Variants in TACC1 observed in about 807,000 individuals in gnomAD.
The protein encoded by TACC1 is transforming acidic coiled-coil containing protein 1, also known as transforming acidic coiled-coil-containing protein 1.
A neutral mutation model predicts 84.4 loss-of-function variants in TACC1; 48 were observed. That is an observed-to-expected ratio of 0.57 (90% CI 0.45 to 0.72). TACC1 has a LOEUF of 0.72. TACC1 is among the 30% of genes least tolerant of loss of function. TACC1 has a pLI of 0.00. For synonymous variants in TACC1, 372 were observed against 376.3 expected (o/e 0.99, Z 0.13); for missense variants, 920 against 973.0 (o/e 0.95, Z 0.72).
At chr8:38,733,227 G>A (rs920920334) in intron 1 of TACC1, among the ~76,000 whole-genome samples, 4 of 151,346 alleles carry the variant, frequency 2.6e-5, no homozygotes, top group Non-Finnish European at 4.4e-5. Flanking sequence ...AGACAGAGAC[G>A]ATCCCAGCTG....
Position 38,851,805 on chromosome 8 carries a change from GATT to G in TACC1, c.*3786_*3788del, listed in dbSNP as rs1833127411. 2.6e-6 allele frequency: 1 copy of G among 388,322 alleles called. No individual in the cohort carries two copies. Among genetic ancestry groups the G allele is most frequent in the Non-Finnish European group, 5.2e-6 (1 of 192,520 alleles). 24.1% of individuals were successfully genotyped at this position (388,322 alleles called of 1,614,324 possible). A position where few individuals can be genotyped will look rare whatever the true frequency, so the allele number is the denominator to read the frequency against. ...ATTCTGAAGAATCTAAAAGATAACA[GATT>G]ATTTGCTTATGAAAGAACAATATAG... On this transcript the variant is annotated 3_prime_UTR_variant, in exon 13 of 13. Coordinates refer to ENST00000317827, the MANE Select transcript of TACC1 (RefSeq NM_006283.3).
intron 11 of TACC1, among the ~76,000 whole-genome samples, chr8:38,844,428 C>G (rs1264322981): frequency 6.6e-6 from 1 of 152,146 alleles, no homozygotes; most frequent in Non-Finnish European, 1.5e-5. Flanking sequence ...CCCGCCTCAG[C>G]TTCCCAAAGT....
intron 5 of TACC1, among the ~76,000 whole-genome samples, chr8:38,830,061 G>A (rs1402888158): frequency 6.6e-6 from 1 of 152,200 alleles, no homozygotes. Flanking sequence ...AGGTCATACC[G>A]TGGAATCTGG....
At chr8:38,832,771 C>T (rs938786916) in intron 6 of TACC1, among the ~76,000 whole-genome samples, 3 of 152,180 alleles carry the variant, frequency 2.0e-5, no homozygotes, top group African/African-American at 7.2e-5. Context: ...TTTTTGGGCA[C>T]GTCTCTGTTA....
At chr8:38,771,605 G>C (rs749140084) in intron 3 of TACC1, among the ~76,000 whole-genome samples, 21 of 152,216 alleles carry the variant, frequency 1.4e-4, no homozygotes, top group Non-Finnish European at 2.8e-4. Context: ...AAAACAATGA[G>C]TTAAGGCACA....
chr8:38,783,546 C>T (rs895633773), upstream of TACC1, among the ~76,000 whole-genome samples: 3 of 151,940 alleles, frequency 2.0e-5, no homozygotes, highest in Admixed American at 6.6e-5. Context: ...CTCAGCCTCC[C>T]GAGTAGCTGG....
chr8:38,846,628 C>A, intron 11 of TACC1, 71 bp from the exon 12 acceptor site: 1 of 1,583,196 alleles, frequency 6.3e-7, no homozygotes, highest in Non-Finnish European at 8.6e-7. Flanking sequence ...TGGTTAGTAT[C>A]CTGACTGGCT....
intron 5 of TACC1, 86 bp from the exon 6 acceptor site, chr8:38,831,039 C>T: frequency 2.5e-6 from 3 of 1,193,328 alleles, no homozygotes; most frequent in Non-Finnish European, 3.7e-6. Context: ...TCATTCTCGC[C>T]TGCACTGGGG....
At chr8:38,834,315 A>G (rs564852226) in intron 6 of TACC1, among the ~76,000 whole-genome samples, 1 of 152,326 alleles carries the variant, frequency 6.6e-6, no homozygotes, top group Admixed American at 6.5e-5. Context: ...CTTTCCCTGT[A>G]GCTTCTCAAA....
At chr8:38,731,557 T>C (rs556728941) in intron 1 of TACC1, among the ~76,000 whole-genome samples, 1 of 152,232 alleles carries the variant, frequency 6.6e-6, no homozygotes, top group South Asian at 2.1e-4. Flanking sequence ...TTGGGAGCAG[T>C]CTGGAAATAT....
intron 2 of TACC1, among the ~76,000 whole-genome samples, chr8:38,803,231 C>A (rs933221151): frequency 2.0e-5 from 3 of 152,150 alleles, no homozygotes; most frequent in African/African-American, 7.2e-5. Context: ...GATAGTTTTA[C>A]TTCCTTTCCA....
chr8:38,733,770 A>C (rs1417578613), intron 1 of TACC1, among the ~76,000 whole-genome samples: 2 of 148,038 alleles, frequency 1.4e-5, no homozygotes, highest in East Asian at 2.0e-4. Flanking sequence ...TTCCTTCCTC[A>C]CCTCCAGGAA....
chr8:38,820,567 T>G lies in TACC1; in HGVS notation c.1323T>G (p.Cys441Trp), dbSNP rs1481041107. 6.2e-7 allele frequency: 1 copy of G among 1,613,976 alleles called. No individual in the cohort carries two copies. Among genetic ancestry groups the G allele is most frequent in the Non-Finnish European group, 8.5e-7 (1 of 1,180,038 alleles). The change falls in exon 3 of 13, where the codon TGT becomes TGG. Residue 441 changes from cysteine (C) to tryptophan (W), a missense_variant. By Grantham distance (215) the Cys-to-Trp change is radical. Coordinates refer to ENST00000317827, the MANE Select transcript of TACC1 (RefSeq NM_006283.3). ...PTTTLTSSDF[C>W]SPTGNHVNEI... The stretch of plus-strand genomic sequence containing the variant: ...CGACCTTAACAAGCAGTGACTTTTG[T>G]TCTCCCACTGGTAATCACGTTAATG...
At chr8:38,775,474 TC>T (rs1814633471) in intron 3 of TACC1, among the ~76,000 whole-genome samples, 1 of 151,984 alleles carries the variant, frequency 6.6e-6, no homozygotes, top group South Asian at 2.1e-4. Context: ...AGGATGGAGG[TC>T]CCCATGATTA....
intron 2 of TACC1, among the ~76,000 whole-genome samples, chr8:38,815,513 A>C (rs1176125862): frequency 6.6e-6 from 1 of 152,064 alleles, no homozygotes; most frequent in Non-Finnish European, 1.5e-5. Context: ...TCTGCCTCCC[A>C]GGTTCAAGCG....
rs1817887859 is a variant in TACC1 at position 38,788,626 on chromosome 8, C to T, written c.162-78C>T. Reference sequence around the variant, plus strand: ...TAGACAAAAGTGCTGGACTTTTAGCCTCTGTGAATATGTAGATTTCAAAGG... The same window carrying T: ...TAGACAAAAGTGCTGGACTTTTAGCTTCTGTGAATATGTAGATTTCAAAGG... On this transcript the variant is annotated intron_variant, in intron 1 of 12. Transcript: ENST00000317827. 5 of 1,146,364 alleles carry T rather than the reference C, an allele frequency of 4.4e-6. No homozygotes were observed. In the South Asian group the frequency reaches 5.5e-5, roughly 13 times the overall value. 71.0% of individuals were successfully genotyped at this position (1,146,364 alleles called of 1,614,324 possible). A position where few individuals can be genotyped will look rare whatever the true frequency, so the allele number is the denominator to read the frequency against.
chr8:38,780,703 G>A (rs1239952933), intron 3 of TACC1, among the ~76,000 whole-genome samples: 3 of 151,022 alleles, frequency 2.0e-5, no homozygotes, highest in African/African-American at 4.9e-5. Flanking sequence ...CATTATTGAC[G>A]AATTCTAAGA....
intron 2 of TACC1, among the ~76,000 whole-genome samples, chr8:38,796,419 T>G (rs1819991835): frequency 6.6e-6 from 1 of 152,234 alleles, no homozygotes; most frequent in South Asian, 2.1e-4. Flanking sequence ...GCAGGGTGTG[T>G]GATGGGGGAA....
intron 7 of TACC1, among the ~76,000 whole-genome samples, chr8:38,836,991 C>T (rs73613064): frequency 2.4e-3 from 371 of 151,908 alleles, no homozygotes; most frequent in African/African-American, 8.5e-3. Flanking sequence ...TGGTTAAGCA[C>T]CTCAGCTGTA....
Sources: gnomAD v4.1 joint callset for allele counts (sites outside exome capture counted in the v4.1 genomes callset) on GRCh38, gnomAD v4.1.1 for gene constraint, MANE v1.5 for transcripts, NCBI Gene and HGNC (gene_info 2026-07-23, HGNC 2026-07-21) for gene names.